The following ENKUR variants were observed in gnomAD, a reference collection of about 807,000 sequenced individuals.
ENKUR encodes enkurin, TRPC channel interacting protein.
A neutral mutation model predicts 27.6 loss-of-function variants in ENKUR; 19 were observed. That is an observed-to-expected ratio of 0.69 (90% confidence interval 0.48 to 1.01). ENKUR has a LOEUF of 1.01. Ranked by LOEUF, ENKUR falls within the 50% of genes least tolerant of loss-of-function variation. ENKUR has a pLI of 0.00. For synonymous variants in ENKUR, 117 were observed against 96.9 expected, an observed-to-expected ratio of 1.21 and a Z score of -1.22; for missense variants, 312 against 310.5, an observed-to-expected ratio of 1.00 and a Z score of -0.04.
chr10:25,011,175 T>G (rs1367741152), intron 1 of ENKUR, among the ~76,000 whole-genome samples: 4 of 152,172 alleles, frequency 2.6e-5, no homozygotes, highest in African/African-American at 9.7e-5. Flanking sequence ...TGGTTTTGAT[T>G]TGCATTTCTC....
rs71399946 is a variant in ENKUR at position 25,027,357 on chromosome 10, C to CAAAAA, written c.38-31493_38-31489dup. Among the ~76,000 whole-genome samples, 120 of 48,476 alleles carry CAAAAA rather than the reference C, an allele frequency of 2.5e-3. 11 individuals carry two copies. Among genetic ancestry groups the CAAAAA allele is most frequent in the African/African-American group, 0.011 (101 of 9,242 alleles). 31.8% of individuals were successfully genotyped at this position (48,476 alleles called of 152,430 possible). On this transcript the variant is annotated intron_variant, in intron 2 of 5. Transcript: ENST00000615958. ...GGGTGACAGAGCAAGACTCCCGTCT[C>CAAAAA]AAAAAAAAAAAAAAAAAAAAAAAAA... is the stretch of plus-strand genomic sequence containing the variant.
intron 1 of ENKUR, among the ~76,000 whole-genome samples, chr10:25,010,316 G>A (rs1245650189): frequency 6.6e-6 from 1 of 152,172 alleles, no homozygotes. Flanking sequence ...ATTTGAGAGA[G>A]ATGATTCCGG....
chr10:25,026,321 CACATAACTGA>C lies in ENKUR; in HGVS notation c.38-30462_38-30453del, dbSNP rs1418379566. On this transcript the variant is annotated intron_variant, in intron 2 of 5. Coordinates refer to the ENKUR transcript ENST00000615958. ...TAGGGTGACGATGTTTGAAAATCAA[CACATAACTGA>C]AATCCAGGATGAAACAGTAAGCAGA... The C allele has an allele frequency of 5.4e-5, 9 of 166,600 alleles. No homozygotes were observed. In the Admixed American group the frequency reaches 5.9e-4, roughly 11 times the overall value. The allele number at this position is 166,600 out of a possible 1,614,324, so 10.3% of individuals were successfully genotyped here.
chr10:25,040,429 G>C (rs1851050589), intron 2 of ENKUR, among the ~76,000 whole-genome samples: 1 of 147,176 alleles, frequency 6.8e-6, no homozygotes, highest in South Asian at 2.2e-4. Flanking sequence ...GAGTGCCAGT[G>C]GCGTGATCTT....
At position 24,995,872 on chromosome 10, in the gene ENKUR, G is replaced by A. The variant is rs201414093; in HGVS notation, c.224-3C>T. ...CACGTTCCGATCAAAGTTTTTTTCT[G>A]TTAAATATAACATTTCTTTGTTAAT... On this transcript the variant is annotated splice_polypyrimidine_tract_variant and splice_region_variant and intron_variant, in intron 2 of 5. Transcript: ENST00000331161. The A allele has an allele frequency of 1.4e-5, 22 of 1,596,454 alleles. No individual in the cohort carries two copies. Among genetic ancestry groups the A allele is most frequent in the Non-Finnish European group, 1.9e-5 (22 of 1,174,148 alleles).
intron 2 of ENKUR, among the ~76,000 whole-genome samples, chr10:24,998,756 C>A (rs1489480712): frequency 6.6e-6 from 1 of 151,986 alleles, no homozygotes; most frequent in African/African-American, 2.4e-5. Context: ...TAACTGGGAT[C>A]AAGTATATAA....
intron 2 of ENKUR, chr10:25,025,400 A>G: frequency 1.9e-6 from 3 of 1,614,004 alleles, no homozygotes; most frequent in Non-Finnish European, 2.5e-6. Context: ...TGTGCAGCTG[A>G]TATGAATGTC....
exon 2 of ENKUR, chr10:25,061,150 C>G (rs1851321868): frequency 1.3e-6 from 2 of 1,535,964 alleles, no homozygotes; most frequent in Non-Finnish European, 8.7e-7. Context: ...TGTCTTCATG[C>G]TCCGTGGTGA....
At chr10:25,053,093 A>AG (rs1315244099) in intron 2 of ENKUR, among the ~76,000 whole-genome samples, 3 of 149,432 alleles carry the variant, frequency 2.0e-5, no homozygotes, top group African/African-American at 7.3e-5. Context: ...AAAAAAAAAA[A>AG]GGACTGGAGG....
intron 3 of ENKUR, among the ~76,000 whole-genome samples, chr10:24,993,218 T>A (rs1204641725): frequency 2.0e-5 from 3 of 152,234 alleles, no homozygotes; most frequent in Non-Finnish European, 4.4e-5. Context: ...AAAGCTTCAA[T>A]GATCTGAAAT....
chr10:25,009,807 C>A (rs1850399257), intron 1 of ENKUR, among the ~76,000 whole-genome samples: 1 of 152,094 alleles, frequency 6.6e-6, no homozygotes, highest in Non-Finnish European at 1.5e-5. Flanking sequence ...CCCCTGCACA[C>A]ACTCTCGTTT....
Position 25,015,983 on chromosome 10 carries a change from C to A in ENKUR, c.-47G>T. ...AAGCTACTCTCCACAACTTTTTTCT[C>A]CCTGTCCCAGTATCTCCGTCCCTTT... On this transcript the variant is annotated 5_prime_UTR_variant, in exon 1 of 6. Coordinates refer to ENST00000331161, the MANE Select transcript of ENKUR (RefSeq NM_145010.4). 6.9e-6 allele frequency: 11 copies of A among 1,582,966 alleles called. No homozygotes were observed. Among genetic ancestry groups the A allele is most frequent in the Non-Finnish European group, 8.6e-6 (10 of 1,165,906 alleles).
chr10:25,048,650 T>G (rs1484119870), intron 2 of ENKUR, among the ~76,000 whole-genome samples: 4 of 151,940 alleles, frequency 2.6e-5, no homozygotes, highest in Admixed American at 6.6e-5. Context: ...GCAAATGAGA[T>G]GCAGTCCATG....
At chr10:25,016,349 T>C (rs113305225), upstream of ENKUR, among the ~76,000 whole-genome samples, 2,121 of 152,332 alleles carry the variant, frequency 0.014, 45 homozygotes, top group African/African-American at 0.048. Context: ...CTCTTTTCTA[T>C]TTCTGTGTAT....
chr10:24,984,227 G>T lies in ENKUR; in HGVS notation c.*143C>A. On this transcript the variant is annotated 3_prime_UTR_variant, in exon 6 of 6. Transcript: ENST00000331161. ...TTTCTCACTGGGAATAACTGCAAAT[G>T]TCATGGGCCACAGGAAAATACATCT... The T allele has an allele frequency of 1.1e-6, 1 of 895,004 alleles. No homozygotes were observed. Among genetic ancestry groups the T allele is most frequent in the Non-Finnish European group, 1.7e-6 (1 of 598,260 alleles). 55.4% of individuals were successfully genotyped at this position (895,004 alleles called of 1,614,324 possible).
At position 24,984,391 on chromosome 10, in the gene ENKUR, A is replaced by AAAG; in HGVS notation, c.765-16_765-15insCTT. 1 of 1,599,138 alleles carries AAAG rather than the reference A, an allele frequency of 6.3e-7. No homozygotes were observed. The highest frequency in any genetic ancestry group is 8.5e-7 in the Non-Finnish European group (1 of 1,176,632). On this transcript the variant is annotated splice_polypyrimidine_tract_variant and intron_variant, in intron 5 of 5. Coordinates refer to ENST00000331161, the MANE Select transcript of ENKUR (RefSeq NM_145010.4). ...GGTATCATGCGCTGCAGAAAAAAAA[A>AAAG]AAAAAAAGTGAAGTTCTGAGTGCTG...
upstream of ENKUR, chr10:25,016,199 G>A (rs1052941086): frequency 4.3e-6 from 5 of 1,171,542 alleles, no homozygotes; most frequent in African/African-American, 7.9e-5. Context: ...CGAGGAAGTG[G>A]CAGGCAGCAC....
At position 25,015,952 on chromosome 10, in the gene ENKUR, C is replaced by T; in HGVS notation, c.-16G>A. The T allele has an allele frequency of 6.2e-7, 1 of 1,601,868 alleles. No homozygotes were observed. The highest frequency in any genetic ancestry group is 8.5e-7 in the Non-Finnish European group (1 of 1,173,934). On this transcript the variant is annotated 5_prime_UTR_variant, in exon 1 of 6. Coordinates refer to ENST00000331161, the MANE Select transcript of ENKUR (RefSeq NM_145010.4). ...TTGGATCCATGGCCACCAAATGACT[C>T]CTTAAAAGCTACTCTCCACAACTTT...
intron 2 of ENKUR, among the ~76,000 whole-genome samples, chr10:25,051,902 T>C (rs1412294113): frequency 6.6e-6 from 1 of 152,234 alleles, no homozygotes; most frequent in Non-Finnish European, 1.5e-5. Flanking sequence ...TCCTCTGAAA[T>C]GATTCTGCAA....
Sources: gnomAD v4.1 joint callset for allele counts (sites outside exome capture counted in the v4.1 genomes callset) on GRCh38, gnomAD v4.1.1 for gene constraint, MANE v1.5 for transcripts, NCBI Gene and HGNC (gene_info 2026-07-23, HGNC 2026-07-21) for gene names.